Variants in ANKRD31 observed in about 807,000 individuals in gnomAD.
The protein encoded by ANKRD31 is ankyrin repeat domain-containing protein 31.
ANKRD31 carries 147 observed loss-of-function variants against 186.0 expected under a neutral mutation model. The observed-to-expected ratio is 0.79, with a 90% CI of 0.69 to 0.91. The LOEUF (loss-of-function observed/expected upper bound fraction) is 0.91. ANKRD31 is among the 40% of genes least tolerant of loss of function. ANKRD31 has a pLI of 0.00. For missense variants in ANKRD31, 1,986 were observed against 2,148.8 expected, an observed-to-expected ratio of 0.92 and a Z score of 1.50; for synonymous variants, 673 against 736.4, an observed-to-expected ratio of 0.91 and a Z score of 1.39.
rs575507335 is a variant in ANKRD31 at position 75,212,375 on chromosome 5, G to C, written c.289-1510C>G. On this transcript the variant is annotated intron_variant, in intron 3 of 25. Transcript: ENST00000506364. Reference sequence around the variant, plus strand: ...CACCTGTAATCCTGGCACTTTGGGAGGTCAACATAGGCAGATAGCTTGAGC... The same window carrying C: ...CACCTGTAATCCTGGCACTTTGGGACGTCAACATAGGCAGATAGCTTGAGC... Among the ~76,000 whole-genome samples, 88 of 152,236 alleles carry C rather than the reference G, an allele frequency of 5.8e-4. 1 individual carries two copies. The highest frequency in any genetic ancestry group is 2.0e-3 in the African/African-American group (84 of 41,550).
At chr5:75,205,666 A>T (rs1169078089) in intron 5 of ANKRD31, among the ~76,000 whole-genome samples, 1 of 152,220 alleles carries the variant, frequency 6.6e-6, no homozygotes, top group African/African-American at 2.4e-5. Flanking sequence ...TGTTGTAGCA[A>T]CAGAGCAAGA....
intron 10 of ANKRD31, among the ~76,000 whole-genome samples, chr5:75,171,657 C>A (rs1196632628): frequency 2.0e-5 from 3 of 150,630 alleles, no homozygotes; most frequent in Non-Finnish European, 4.4e-5. Flanking sequence ...AGCCATAAAT[C>A]GATTCTTGAA....
At chr5:75,164,753 A>G (rs1313384087) in intron 11 of ANKRD31, among the ~76,000 whole-genome samples, 14 of 152,216 alleles carry the variant, frequency 9.2e-5, no homozygotes, top group Admixed American at 6.5e-5. Context: ...CAGCTCTTAT[A>G]GCAACCTCCT....
At chr5:75,149,721 T>C (rs1751719149) in intron 12 of ANKRD31, among the ~76,000 whole-genome samples, 1 of 151,898 alleles carries the variant, frequency 6.6e-6, no homozygotes, top group South Asian at 2.1e-4. Context: ...TGGTGAAGAT[T>C]GAATTATATA....
intron 7 of ANKRD31, among the ~76,000 whole-genome samples, chr5:75,195,257 T>C (rs1026488489): frequency 1.3e-5 from 2 of 152,146 alleles, no homozygotes; most frequent in African/African-American, 4.8e-5. Context: ...GTAGACATAG[T>C]GATTTTCTGA....
intron 1 of ANKRD31, among the ~76,000 whole-genome samples, chr5:75,232,931 A>AT (rs1198338947): frequency 6.6e-6 from 1 of 152,210 alleles, no homozygotes; most frequent in Non-Finnish European, 1.5e-5. Flanking sequence ...GTACAAACAG[A>AT]TCTTGTTAAA....
chr5:75,109,117 A>T (rs1369122448), intron 20 of ANKRD31, among the ~76,000 whole-genome samples: 2 of 152,212 alleles, frequency 1.3e-5, no homozygotes, highest in African/African-American at 2.4e-5. Flanking sequence ...GATGAGAGAA[A>T]TTATTCAACA....
intron 11 of ANKRD31, among the ~76,000 whole-genome samples, chr5:75,168,236 A>G (rs1012241237): frequency 6.6e-6 from 1 of 152,178 alleles, no homozygotes; most frequent in Non-Finnish European, 1.5e-5. Context: ...TTCTTCTGTA[A>G]ATAGGCAGAA....
At position 75,107,696 on chromosome 5, in the gene ANKRD31, T is replaced by C. The variant is rs1580341362; in HGVS notation, c.4244-79A>G. On this transcript the variant is annotated intron_variant, in intron 20 of 25. Coordinates refer to ENST00000506364, the MANE Select transcript of ANKRD31 (RefSeq NM_001372053.1). ...TTGGTCATACGAGAATTAGCCCTATTGTTAATTTTAAAAAGCGTTATTCCC... is the reference window on the plus strand; with the variant it reads ...TTGGTCATACGAGAATTAGCCCTATCGTTAATTTTAAAAAGCGTTATTCCC... The C allele has an allele frequency of 1.2e-5, 10 of 809,618 alleles. No homozygotes were observed. In the East Asian group the frequency reaches 2.7e-4, roughly 22 times the overall value. 50.2% of individuals were successfully genotyped at this position (809,618 alleles called of 1,614,324 possible).
In ANKRD31 at chr5:75,080,630, CA is replaced by C; in HGVS notation, c.5584del (p.Cys1862ValfsTer2). On this transcript the variant is annotated frameshift_variant, in exon 25 of 26. Transcript: ENST00000506364. LOFTEE classifies it high-confidence loss of function. ...QYQPCLPEVA[C>X]LDDPVQEPNK... ...TGGTTCCTGTACTGGGTCATCTAAA[CA>C]AGCAACTTCTGAAAGTGAAACAAAA... The C allele has an allele frequency of 6.5e-7, 1 of 1,527,460 alleles. No homozygotes were observed. Among genetic ancestry groups the C allele is most frequent in the South Asian group, 1.2e-5 (1 of 80,872 alleles). The allele number at this position is 1,527,460 out of a possible 1,614,324, so 94.6% of individuals were successfully genotyped here.
At chr5:75,135,565 C>A (rs1750503499) in intron 17 of ANKRD31, among the ~76,000 whole-genome samples, 1 of 151,532 alleles carries the variant, frequency 6.6e-6, no homozygotes, top group African/African-American at 2.4e-5. Context: ...TAGGAAGAAT[C>A]AATATCGTGA....
chr5:75,170,151 A>G (rs1753211839), intron 10 of ANKRD31, among the ~76,000 whole-genome samples: 1 of 152,156 alleles, frequency 6.6e-6, no homozygotes, highest in Non-Finnish European at 1.5e-5. Context: ...ATGTCTGTAG[A>G]TATATATGAT....
intron 20 of ANKRD31, among the ~76,000 whole-genome samples, chr5:75,108,914 T>C (rs996908719): frequency 2.0e-5 from 3 of 152,134 alleles, no homozygotes; most frequent in Non-Finnish European, 2.9e-5. Context: ...TAGGTAAAAA[T>C]AACATACTAT....
intron 2 of ANKRD31, among the ~76,000 whole-genome samples, chr5:75,229,249 T>C (rs538216889): frequency 6.6e-6 from 1 of 152,326 alleles, no homozygotes; most frequent in East Asian, 1.9e-4. Flanking sequence ...ACGTTTACAA[T>C]GCATATTTAC....
At chr5:75,169,876 G>A (rs1753195463) in intron 10 of ANKRD31, among the ~76,000 whole-genome samples, 1 of 152,088 alleles carries the variant, frequency 6.6e-6, no homozygotes, top group Non-Finnish European at 1.5e-5. Context: ...CCCACCAGAT[G>A]ATAGTAGAAA....
intron 17 of ANKRD31, among the ~76,000 whole-genome samples, chr5:75,134,924 T>A (rs1223027598): frequency 6.6e-6 from 1 of 152,122 alleles, no homozygotes; most frequent in Non-Finnish European, 1.5e-5. Context: ...AACCCCATGA[T>A]TATCTCAACA....
At chr5:75,220,637 C>G (rs111888930) in intron 3 of ANKRD31, among the ~76,000 whole-genome samples, 3 of 122,610 alleles carry the variant, frequency 2.4e-5, no homozygotes, top group African/African-American at 1.2e-4. Flanking sequence ...AGCAAAACTC[C>G]GTCTCAAAAA....
Position 75,236,738 on chromosome 5 carries a change from C to A in ANKRD31, c.-52G>T. On this transcript the variant is annotated 5_prime_UTR_variant, in exon 1 of 26. Transcript: ENST00000506364. ...TACCCTCCTCTAACTCCCTCTTGCC[C>A]GCAAACAAAAAAACGCTTTGAGGGC... The A allele has an allele frequency of 2.1e-6, 3 of 1,413,792 alleles. No individual in the cohort carries two copies. Among genetic ancestry groups the A allele is most frequent in the Non-Finnish European group, 1.9e-6 (2 of 1,059,138 alleles). The allele number at this position is 1,413,792 out of a possible 1,614,324, so 87.6% of individuals were successfully genotyped here.
chr5:75,146,503 C>T lies in ANKRD31; in HGVS notation c.2908G>A (p.Glu970Lys). The T allele has an allele frequency of 6.5e-7, 1 of 1,536,468 alleles. No homozygotes were observed. The highest frequency in any genetic ancestry group is 8.7e-7 in the Non-Finnish European group (1 of 1,146,440). The change falls in exon 14 of 26, where the codon GAA (glutamate) becomes AAA (lysine). Residue 970 changes from glutamate to lysine, a missense_variant. By Grantham distance (56) the Glu-to-Lys change is moderately conservative. Transcript: ENST00000506364. ...AVSLTTLPEQ[E>K]AVNFSYSDNA... ...TCTGAATAAGAAAAATTAACAGCTT[C>T]CTGTTCTGGAAGTGTGGTTAGGCTG...
Sources: gnomAD v4.1 joint callset for allele counts (sites outside exome capture counted in the v4.1 genomes callset) on GRCh38, gnomAD v4.1.1 for gene constraint, MANE v1.5 for transcripts, NCBI Gene and HGNC (gene_info 2026-07-23, HGNC 2026-07-21) for gene names.